The following CRHR1 variants were observed in gnomAD, a reference collection of about 807,000 sequenced individuals.
CRHR1 encodes the protein corticotropin-releasing hormone receptor 1.
In CRHR1, 28 loss-of-function variants were observed where a neutral mutation model predicts 56.0. The observed-to-expected ratio is 0.50, with a 90% CI of 0.37 to 0.69. CRHR1 has a LOEUF of 0.69. CRHR1 is among the 30% of genes least tolerant of loss of function. The pLI, the probability that CRHR1 is intolerant of heterozygous loss-of-function variation, is 0.00. For missense variants in CRHR1, 376 were observed against 548.0 expected (o/e 0.69, Z 3.13); for synonymous variants, 195 against 216.5 (o/e 0.90, Z 0.87).
At chr17:45,810,862 C>A (rs1244115069) in intron 2 of CRHR1, among the ~76,000 whole-genome samples, 5 of 152,258 alleles carry the variant, frequency 3.3e-5, no homozygotes, top group African/African-American at 1.2e-4. Context: ...TTCTGCCACC[C>A]TCTCCATGCC....
chr17:45,833,911 T>C (rs2062378038), intron 11 of CRHR1, 62 bp downstream of exon 11: 2 of 1,612,448 alleles, frequency 1.2e-6, no homozygotes, highest in Admixed American at 1.7e-5. Flanking sequence ...AGCAGAGGCC[T>C]GGAGGGCAGG....
chr17:45,794,029 T>C (rs2061473592), intron 1 of CRHR1, among the ~76,000 whole-genome samples: 1 of 152,146 alleles, frequency 6.6e-6, no homozygotes, highest in African/African-American at 2.4e-5. Flanking sequence ...GCCTCCTCCA[T>C]GAGGCCTTCC....
intron 4 of CRHR1, among the ~76,000 whole-genome samples, chr17:45,825,131 G>T (rs2062129726): frequency 6.6e-6 from 1 of 152,180 alleles, no homozygotes; most frequent in Admixed American, 6.5e-5. Flanking sequence ...TCTGGGCCTG[G>T]GCTAAGCCCT....
intron 2 of CRHR1, 32 bp from the exon 3 acceptor site, chr17:45,816,431 T>A: frequency 1.9e-6 from 3 of 1,612,676 alleles, no homozygotes. Context: ...CCGGATATCT[T>A]GCTGTGCCTT....
chr17:45,794,556 G>A (rs979246894), intron 1 of CRHR1, among the ~76,000 whole-genome samples: 4 of 152,198 alleles, frequency 2.6e-5, no homozygotes, highest in Non-Finnish European at 5.9e-5. Flanking sequence ...GCTGGGCGAC[G>A]GAAGAAGGAA....
Position 45,791,233 on chromosome 17 carries a change from G to A in CRHR1, c.33+6656G>A, listed in dbSNP as rs1426135557. ...TGGCTGGGGGACAAGGGGCTGGGCT[G>A]GGTGGGCTGGAAAAGCAAACCGGGT... On this transcript the variant is annotated intron_variant, in intron 1 of 12. Coordinates refer to ENST00000314537, the MANE Select transcript of CRHR1 (RefSeq NM_004382.5). Among the ~76,000 whole-genome samples the A allele has an allele frequency of 2.0e-5, 3 of 152,084 alleles. No individual in the cohort carries two copies. In the East Asian group the frequency reaches 5.8e-4, roughly 29 times the overall value.
chr17:45,793,405 C>T (rs995181686), intron 1 of CRHR1, among the ~76,000 whole-genome samples: 2 of 152,206 alleles, frequency 1.3e-5, no homozygotes, highest in African/African-American at 4.8e-5. Flanking sequence ...AGGGTCAGGG[C>T]ACTCTAGCCT....
chr17:45,829,379 TGGA>T, intron 5 of CRHR1, 58 bp downstream of exon 5: 1 of 1,511,900 alleles, frequency 6.6e-7, no homozygotes, highest in South Asian at 1.2e-5. Context: ...AGAAGCAGGG[TGGA>T]GAAGTGAGAG....
chr17:45,810,681 T>C (rs991379743), intron 2 of CRHR1, among the ~76,000 whole-genome samples: 4 of 152,136 alleles, frequency 2.6e-5, no homozygotes, highest in Admixed American at 1.3e-4. Flanking sequence ...CCCGTATGCC[T>C]GGCACTGTAC....
intron 4 of CRHR1, among the ~76,000 whole-genome samples, chr17:45,823,594 T>A (rs1373837817): frequency 6.6e-6 from 1 of 152,090 alleles, no homozygotes; most frequent in Non-Finnish European, 1.5e-5. Context: ...TTTTGGCAGT[T>A]AAGTCAGAGC....
At chr17:45,803,527 C>T (rs2061661264) in intron 1 of CRHR1, among the ~76,000 whole-genome samples, 1 of 152,142 alleles carries the variant, frequency 6.6e-6, no homozygotes. Flanking sequence ...GCTGGGATTA[C>T]AGGCATGCCA....
At chr17:45,829,351 GTCCCC>G in intron 5 of CRHR1, 30 bp downstream of exon 5, 1 of 1,583,038 alleles carries the variant, frequency 6.3e-7, no homozygotes, top group Non-Finnish European at 8.7e-7. Flanking sequence ...GCCTCCTCCT[GTCCCC>G]AGGACCTAGA....
intron 1 of CRHR1, among the ~76,000 whole-genome samples, chr17:45,806,765 C>T (rs1163906097): frequency 2.0e-5 from 3 of 152,196 alleles, no homozygotes; most frequent in Non-Finnish European, 4.4e-5. Context: ...GCTCCTGATC[C>T]TGTCAGCTTC....
Position 45,830,168 on chromosome 17 carries a change from T to G in CRHR1, c.509T>G (p.Phe170Cys). 1 of 1,614,112 alleles carries G rather than the reference T, an allele frequency of 6.2e-7. No individual in the cohort carries two copies. Among genetic ancestry groups the G allele is most frequent in the Non-Finnish European group, 8.5e-7 (1 of 1,180,016 alleles). The change falls in exon 6 of 13, where the codon TTC (phenylalanine) becomes TGC (cysteine). Residue 170 changes from phenylalanine to cysteine, a missense_variant. Physicochemically the swap from Phe to Cys is radical, Grantham distance 205. Transcript: ENST00000314537. ...TTCATCCTGCGCAACGCCACCTGGTTCGTGGTCCAGCTAACCATGAGCCCC... is the reference window on the plus strand; with the variant it reads ...TTCATCCTGCGCAACGCCACCTGGTGCGTGGTCCAGCTAACCATGAGCCCC... Reference protein sequence around the residue: ...SAFILRNATWFVVQLTMSPEV... With the variant: ...SAFILRNATWCVVQLTMSPEV...
intron 2 of CRHR1, among the ~76,000 whole-genome samples, chr17:45,807,445 C>T (rs547083063): frequency 7.7e-4 from 117 of 152,352 alleles, no homozygotes; most frequent in Admixed American, 1.4e-3. Context: ...GGGGAGGCAT[C>T]AAGGGACGGA....
intron 8 of CRHR1, among the ~76,000 whole-genome samples, chr17:45,832,537 C>G (rs1427172504): frequency 6.6e-5 from 10 of 152,208 alleles, no homozygotes; most frequent in Admixed American, 5.9e-4. Context: ...GGTCTTCATA[C>G]CCACGAGGAC....
chr17:45,832,464 T>TA (rs958310368), intron 8 of CRHR1, among the ~76,000 whole-genome samples: 18 of 152,156 alleles, frequency 1.2e-4, no homozygotes, highest in Non-Finnish European at 2.6e-4. Context: ...AGCCAACCTT[T>TA]AAAAAATCCA....
intron 1 of CRHR1, among the ~76,000 whole-genome samples, chr17:45,797,283 C>CTTTTTTTTTTT (rs899983592): frequency 1.1e-4 from 10 of 94,932 alleles, no homozygotes; most frequent in African/African-American, 2.3e-4. Flanking sequence ...TTCTTTCTTT[C>CTTTTTTTTTTT]TTTTTTTTTT....
At position 45,835,019 on chromosome 17, in the gene CRHR1, A is replaced by T. The variant is rs1598457196; in HGVS notation, c.*255A>T. 1 of 549,856 alleles carries T rather than the reference A, an allele frequency of 1.8e-6. No homozygotes were observed. The highest frequency in any genetic ancestry group is 3.2e-6 in the Non-Finnish European group (1 of 309,292). The allele number at this position is 549,856 out of a possible 1,614,324, so 34.1% of individuals were successfully genotyped here. A position where few individuals can be genotyped will look rare whatever the true frequency, so the allele number is the denominator to read the frequency against. The stretch of plus-strand genomic sequence containing the variant: ...TTCCCTGCCCAATCCTCCCTGGAGA[A>T]GGGACATGGGAATGAATTGAAATGG... On this transcript the variant is annotated 3_prime_UTR_variant, in exon 13 of 13. Coordinates refer to ENST00000314537, the MANE Select transcript of CRHR1 (RefSeq NM_004382.5).
Sources: allele counts gnomAD v4.1 joint callset (sites outside exome capture counted in the v4.1 genomes callset), GRCh38; gene constraint gnomAD v4.1.1; transcripts MANE v1.5; gene names NCBI Gene and HGNC (gene_info 2026-07-23, HGNC 2026-07-21).